Variants in PNPLA1 observed in about 807,000 individuals in gnomAD.
The protein encoded by PNPLA1 is patatin like domain 1, omega-hydroxyceramide transacylase.
A neutral mutation model predicts 51.7 loss-of-function variants in PNPLA1; 36 were observed. The ratio of observed to expected loss-of-function variants is 0.70; its 90% confidence interval spans 0.53 to 0.92. The LOEUF (loss-of-function observed/expected upper bound fraction) is 0.92, where lower values mean the gene tolerates loss of function less well. Among genes scored for constraint, PNPLA1 ranks in the 40% least tolerant of loss-of-function variants. PNPLA1 has a pLI of 0.00. For missense variants in PNPLA1, 658 were observed against 682.5 expected, an observed-to-expected ratio of 0.96 and a Z score of 0.40; for synonymous variants, 293 against 280.1, an observed-to-expected ratio of 1.05 and a Z score of -0.46.
At chr6:36,244,286 G>T (rs2127306065) in intron 1 of PNPLA1, among the ~76,000 whole-genome samples, 1 of 152,014 alleles carries the variant, frequency 6.6e-6, no homozygotes, top group Non-Finnish European at 1.5e-5. Flanking sequence ...CTAGTTTCTT[G>T]CAACTAGCTT....
intron 1 of PNPLA1, 91 bp downstream of exon 1, chr6:36,270,755 G>C (rs1769891177): frequency 1.1e-5 from 16 of 1,418,984 alleles, no homozygotes; most frequent in Non-Finnish European, 1.5e-5. Flanking sequence ...ATGCTTTGGG[G>C]GACAAAGCCA....
intron 7 of PNPLA1, 24 bp downstream of exon 7, chr6:36,306,400 C>T (rs745678573): frequency 3.3e-5 from 52 of 1,586,516 alleles, no homozygotes; most frequent in African/African-American, 8.2e-5. Flanking sequence ...TCGTGGAGCA[C>T]GCTCTTTCCT....
upstream of PNPLA1, among the ~76,000 whole-genome samples, chr6:36,269,549 C>A (rs982188564): frequency 1.3e-5 from 2 of 152,170 alleles, no homozygotes; most frequent in Non-Finnish European, 2.9e-5. Flanking sequence ...CAACACGAAG[C>A]CTCACACACT....
In PNPLA1 at chr6:36,270,501, C is replaced by T. The variant is rs141153742; in HGVS notation, c.42C>T (p.His14=). The T allele has an allele frequency of 1.0e-5, 16 of 1,551,548 alleles. No homozygotes were observed. In the East Asian group the frequency reaches 1.7e-4, roughly 17 times the overall value. Residue 14 remains histidine, a synonymous_variant, in exon 1 of 9, where the codon CAC becomes CAT. Coordinates refer to ENST00000636260, the MANE Select transcript of PNPLA1 (RefSeq NM_001374623.1). ...QVFKGDPDTP[H]SISFSGSGFL... ...TCAAGGGGGACCCGGACACCCCTCA[C>T]TCCATCTCCTTCTCGGGCAGTGGAT...
At chr6:36,249,371 T>G (rs1193787755) in intron 1 of PNPLA1, among the ~76,000 whole-genome samples, 1 of 152,216 alleles carries the variant, frequency 6.6e-6, no homozygotes, top group African/African-American at 2.4e-5. Flanking sequence ...AGGAAACAGC[T>G]TGTTCTAATT....
upstream of PNPLA1, among the ~76,000 whole-genome samples, chr6:36,267,919 C>G (rs1254979722): frequency 6.6e-6 from 1 of 152,140 alleles, no homozygotes; most frequent in Non-Finnish European, 1.5e-5. Flanking sequence ...CTCCTCCCTA[C>G]CCCCAGGCTA....
intron 1 of PNPLA1, among the ~76,000 whole-genome samples, chr6:36,263,539 G>A (rs772672794): frequency 6.6e-6 from 1 of 152,200 alleles, no homozygotes; most frequent in Non-Finnish European, 1.5e-5. Context: ...GAGAAGTGAC[G>A]TGATTAGGAC....
At chr6:36,284,009 G>A (rs1770398747) in intron 1 of PNPLA1, among the ~76,000 whole-genome samples, 1 of 152,228 alleles carries the variant, frequency 6.6e-6, no homozygotes, top group Non-Finnish European at 1.5e-5. Context: ...CATTTCCAGG[G>A]AACTTTCTAG....
chr6:36,301,978 G>A lies in PNPLA1; in HGVS notation c.893G>A (p.Arg298Gln), dbSNP rs986801659. 5 of 1,614,132 alleles carry A rather than the reference G, an allele frequency of 3.1e-6. No individual in the cohort carries two copies. The highest frequency in any genetic ancestry group is 2.5e-6 in the Non-Finnish European group (3 of 1,180,038). Reference protein sequence around the residue: ...ECPERSQPSLRARQASLEGAT... With the variant: ...ECPERSQPSLQARQASLEGAT... The stretch of plus-strand genomic sequence containing the variant: ...CCTGAACGCAGTCAACCAAGCCTTC[G>A]AGCACGGCAGGCCAGTCTGGAAGGA... The change falls in exon 6 of 9, where the codon CGA becomes CAA. Residue 298 changes from arginine (R) to glutamine (Q), a missense_variant. Coordinates refer to ENST00000636260, the MANE Select transcript of PNPLA1 (RefSeq NM_001374623.1).
chr6:36,250,442 C>G (rs4713941), intron 1 of PNPLA1, among the ~76,000 whole-genome samples: 112,728 of 152,032 alleles, frequency 0.74, 42,276 homozygotes, highest in Admixed American at 0.85. Context: ...GAAACCAACC[C>G]CAGCAGTTAT....
At chr6:36,260,469 A>T (rs1036045862) in intron 1 of PNPLA1, among the ~76,000 whole-genome samples, 1 of 152,186 alleles carries the variant, frequency 6.6e-6, no homozygotes, top group South Asian at 2.1e-4. Context: ...AATTATTTAA[A>T]TTTTGAATCA....
intron 8 of PNPLA1, 94 bp from the exon 9 acceptor site, chr6:36,311,669 A>T (rs1321735034): frequency 6.5e-6 from 1 of 152,702 alleles, no homozygotes; most frequent in Non-Finnish European, 1.5e-5. Context: ...CAAGTGACAC[A>T]GGAGGTGGAG....
At chr6:36,256,677 A>G (rs1465709597) in intron 1 of PNPLA1, among the ~76,000 whole-genome samples, 1 of 151,844 alleles carries the variant, frequency 6.6e-6, no homozygotes, top group Non-Finnish European at 1.5e-5. Context: ...CGACCTCTTG[A>G]CCTCGTGATC....
chr6:36,286,557 G>C (rs538955068), intron 1 of PNPLA1, among the ~76,000 whole-genome samples: 1 of 150,932 alleles, frequency 6.6e-6, no homozygotes, highest in African/African-American at 2.5e-5. Context: ...AACAGAGGGA[G>C]ACCCTGTCTC....
At chr6:36,273,681 G>A (rs1769996702) in intron 1 of PNPLA1, among the ~76,000 whole-genome samples, 1 of 133,820 alleles carries the variant, frequency 7.5e-6, no homozygotes, top group South Asian at 2.5e-4. Context: ...TTGTGTGTGG[G>A]TCCAGGAGTT....
At chr6:36,258,793 A>G (rs1308930878) in intron 1 of PNPLA1, among the ~76,000 whole-genome samples, 1 of 152,242 alleles carries the variant, frequency 6.6e-6, no homozygotes, top group Non-Finnish European at 1.5e-5. Flanking sequence ...ACCAGAATCC[A>G]ATAAAACTTG....
upstream of PNPLA1, among the ~76,000 whole-genome samples, chr6:36,265,272 C>T (rs187713736): frequency 2.4e-3 from 364 of 152,134 alleles, no homozygotes; most frequent in Middle Eastern, 0.031. Flanking sequence ...ACCTGGGACG[C>T]GGTGGTTGCA....
chr6:36,313,350 C>G lies in PNPLA1; in HGVS notation c.*1464C>G, dbSNP rs1330888570. 6.6e-6 allele frequency among the ~76,000 whole-genome samples: 1 copy of G among 152,162 alleles called. No individual in the cohort carries two copies. The highest frequency in any genetic ancestry group is 1.5e-5 in the Non-Finnish European group (1 of 68,028). On this transcript the variant is annotated 3_prime_UTR_variant, in exon 9 of 9. Transcript: ENST00000636260. ...AGACAACCTCCAGGTCCCGCCAGGC[C>G]CAGCAAGGAAGCCCCAGCTGCCCAC...
At chr6:36,271,447 C>G (rs970399310) in intron 1 of PNPLA1, among the ~76,000 whole-genome samples, 2 of 152,184 alleles carry the variant, frequency 1.3e-5, no homozygotes, top group Non-Finnish European at 2.9e-5. Flanking sequence ...AGGACAAGGT[C>G]CCCGCCCTTG....
Sources: gnomAD v4.1 joint callset for allele counts (sites outside exome capture counted in the v4.1 genomes callset) on GRCh38, gnomAD v4.1.1 for gene constraint, MANE v1.5 for transcripts, NCBI Gene and HGNC (gene_info 2026-07-23, HGNC 2026-07-21) for gene names.